The following ENTPD4 variants were observed in gnomAD, a reference collection of about 807,000 sequenced individuals.
The protein encoded by ENTPD4 is Golgi UDPase.
In ENTPD4, 60 loss-of-function variants were observed where a neutral mutation model predicts 79.1. That is an observed-to-expected ratio of 0.76 (90% CI 0.62 to 0.94). The LOEUF (loss-of-function observed/expected upper bound fraction) is 0.94, where lower values mean the gene tolerates loss of function less well. ENTPD4 is among the 40% of genes least tolerant of loss of function. The pLI is 0.00. For synonymous variants in ENTPD4, 276 were observed against 292.0 expected, an observed-to-expected ratio of 0.95 and a Z score of 0.56; for missense variants, 772 against 775.1, an observed-to-expected ratio of 1.00 and a Z score of 0.05.
chr8:23,441,395 G>A (rs1800666327), intron 8 of ENTPD4, 174 bp downstream of exon 8: 1 of 985,124 alleles, frequency 1.0e-6, no homozygotes, highest in Non-Finnish European at 1.2e-6. Flanking sequence ...ACACACACAA[G>A]CGGCTCAGCT....
In ENTPD4 at chr8:23,429,419, A is replaced by T. The variant is rs927998357; in HGVS notation, c.*3507T>A. ...GTCACATCATTCATTATTGAAAGGG[A>T]AACTTAGTATCAAAAGAAACAAAAC... On this transcript the variant is annotated 3_prime_UTR_variant, in exon 13 of 13. Coordinates refer to ENST00000358689, the MANE Select transcript of ENTPD4 (RefSeq NM_004901.5). The T allele has an allele frequency of 7.1e-6, 7 of 984,998 alleles. No individual in the cohort carries two copies. The African/African-American group carries it at 1.0e-4, about 15-fold the overall frequency. 61.0% of individuals were successfully genotyped at this position (984,998 alleles called of 1,614,324 possible).
chr8:23,430,972 G>C lies in ENTPD4; in HGVS notation c.*1954C>G, dbSNP rs1259963704. 1.7e-5 allele frequency: 17 copies of C among 985,336 alleles called. No individual in the cohort carries two copies. Among genetic ancestry groups the C allele is most frequent in the Non-Finnish European group, 2.0e-5 (17 of 829,936 alleles). The allele number at this position is 985,336 out of a possible 1,614,324, so 61.0% of individuals were successfully genotyped here. A position where few individuals can be genotyped will look rare whatever the true frequency, so the allele number is the denominator to read the frequency against. Reference sequence around the variant, plus strand: ...CGCAAATACGATGCAGGTAAATCCAGAGGCAGAGCCTGGGTCCCCAGGCTG... The same window carrying C: ...CGCAAATACGATGCAGGTAAATCCACAGGCAGAGCCTGGGTCCCCAGGCTG... On this transcript the variant is annotated 3_prime_UTR_variant, in exon 13 of 13. Transcript: ENST00000358689.
In ENTPD4 at chr8:23,429,961, A is replaced by G; in HGVS notation, c.*2965T>C. The G allele has an allele frequency of 2.0e-6, 2 of 985,472 alleles. No individual in the cohort carries two copies. Among genetic ancestry groups the G allele is most frequent in the Non-Finnish European group, 2.4e-6 (2 of 829,930 alleles). 61.0% of individuals were successfully genotyped at this position (985,472 alleles called of 1,614,324 possible). A position where few individuals can be genotyped will look rare whatever the true frequency, so the allele number is the denominator to read the frequency against. On this transcript the variant is annotated 3_prime_UTR_variant, in exon 13 of 13. Transcript: ENST00000358689. ...AGCCCATGATATGGCTATGGAACAT[A>G]AGCACTTATTGCTGGCATGTTTCTA... is the stretch of plus-strand genomic sequence containing the variant.
rs1196688739 is a variant in ENTPD4, at chr8:23,429,663, A to C, written c.*3263T>G. On this transcript the variant is annotated 3_prime_UTR_variant, in exon 13 of 13. Transcript: ENST00000358689. ...ATATCTGTTTATCCAGAGTTTGTTA[A>C]TCTAGAGTACACAGATGTGGAAAAC... 1 of 985,302 alleles carries C rather than the reference A, an allele frequency of 1.0e-6. No homozygotes were observed. The highest frequency in any genetic ancestry group is 1.2e-6 in the Non-Finnish European group (1 of 829,914). The allele number at this position is 985,302 out of a possible 1,614,324, so 61.0% of individuals were successfully genotyped here.
At position 23,434,495 on chromosome 8, in the gene ENTPD4, C is replaced by A. The variant is rs1001851992; in HGVS notation, c.1461-17G>T. 1 of 1,613,502 alleles carries A rather than the reference C, an allele frequency of 6.2e-7. No individual in the cohort carries two copies. Among genetic ancestry groups the A allele is most frequent in the Non-Finnish European group, 8.5e-7 (1 of 1,179,584 alleles). ...CACTGATACCTACAAACGGCAAGCA[C>A]AAAGGCAAGTCAGACTGACTCACTC... is the stretch of plus-strand genomic sequence containing the variant. On this transcript the variant is annotated splice_polypyrimidine_tract_variant and intron_variant, in intron 11 of 12. Coordinates refer to ENST00000358689, the MANE Select transcript of ENTPD4 (RefSeq NM_004901.5).
At chr8:23,436,031 GAC>G (rs1215222103) in intron 10 of ENTPD4, among the ~76,000 whole-genome samples, 2 of 152,206 alleles carry the variant, frequency 1.3e-5, no homozygotes, top group East Asian at 3.8e-4. Flanking sequence ...AAAGGATGAA[GAC>G]ACTGCTGAGA....
intron 9 of ENTPD4, 62 bp downstream of exon 9, chr8:23,439,687 T>C (rs1409110809): frequency 1.3e-6 from 2 of 1,520,798 alleles, no homozygotes; most frequent in African/African-American, 2.7e-5. Context: ...TGCCTGGGTC[T>C]GTTTTTTATG....
In ENTPD4 at chr8:23,457,451, C is replaced by A. The variant is rs546731047; in HGVS notation, c.-98+106G>T. ...TGTGGGGGCCTGGGGCAGAGAGGCT[C>A]GTCCGCGGCCCGCTCGCCGCGCCGC... On this transcript the variant is annotated intron_variant, in intron 1 of 12. Coordinates refer to ENST00000358689, the MANE Select transcript of ENTPD4 (RefSeq NM_004901.5). 197 of 109,900 alleles carry A rather than the reference C, an allele frequency of 1.8e-3. 1 individual carries two copies. Among genetic ancestry groups the A allele is most frequent in the African/African-American group, 7.5e-3 (184 of 24,512 alleles). 6.8% of individuals were successfully genotyped at this position (109,900 alleles called of 1,614,324 possible).
At chr8:23,452,429 G>C (rs534195365) in intron 1 of ENTPD4, among the ~76,000 whole-genome samples, 1 of 152,332 alleles carries the variant, frequency 6.6e-6, no homozygotes, top group South Asian at 2.1e-4. Flanking sequence ...GGGTGTAAAA[G>C]AGGTCCCTCA....
intron 9 of ENTPD4, among the ~76,000 whole-genome samples, chr8:23,437,908 T>C (rs1299090248): frequency 3.3e-5 from 5 of 152,140 alleles, no homozygotes; most frequent in Admixed American, 6.5e-5. Flanking sequence ...GATTAGCAAA[T>C]GAATACAGAA....
At position 23,448,820 on chromosome 8, in the gene ENTPD4, G is replaced by A. The variant is rs756428340; in HGVS notation, c.128C>T (p.Ala43Val). ...AACAGAAAAATATAAAAGTGAAACA[G>A]CAGCAGCCAGGACACTAATGACCAT... ...QIMVISVLAA[A>V]VSLLYFSVVI... Residue 43 changes from alanine to valine, a missense_variant, in exon 3 of 13, where the codon GCT becomes GTT. Transcript: ENST00000358689. 6.2e-7 allele frequency: 1 copy of A among 1,614,128 alleles called. No individual in the cohort carries two copies. The highest frequency in any genetic ancestry group is 2.2e-5 in the East Asian group (1 of 44,880).
intron 4 of ENTPD4, among the ~76,000 whole-genome samples, chr8:23,446,112 G>C (rs3808529): frequency 0.16 from 24,768 of 152,162 alleles, 2,194 homozygotes; most frequent in East Asian, 0.31. Flanking sequence ...TGTTATACAC[G>C]GAAGTCCATG....
chr8:23,435,544 T>C, intron 10 of ENTPD4, 67 bp from the exon 11 acceptor site: 2 of 1,114,070 alleles, frequency 1.8e-6, no homozygotes, highest in Non-Finnish European at 2.7e-6. Context: ...TTAAAAATGG[T>C]TTACCAAATT....
chr8:23,434,286 T>G, intron 12 of ENTPD4, 31 bp downstream of exon 12: 1 of 1,606,718 alleles, frequency 6.2e-7, no homozygotes, highest in Non-Finnish European at 8.5e-7. Flanking sequence ...AAGCATCTTT[T>G]TGATTCTCGT....
rs1800418900 is a variant in ENTPD4 at position 23,429,508 on chromosome 8, G to C, written c.*3418C>G. ...TTTGTTGCATTGCACACAACTGACC[G>C]CAGAGAATTCTAAAGCTGATTTTTT... On this transcript the variant is annotated 3_prime_UTR_variant, in exon 13 of 13. Transcript: ENST00000358689. 1 of 985,214 alleles carries C rather than the reference G, an allele frequency of 1.0e-6. No individual in the cohort carries two copies. The highest frequency in any genetic ancestry group is 1.7e-5 in the African/African-American group (1 of 57,222). The allele number at this position is 985,214 out of a possible 1,614,324, so 61.0% of individuals were successfully genotyped here.
chr8:23,434,653 C>A, intron 11 of ENTPD4, 175 bp from the exon 12 acceptor site: 1 of 1,435,012 alleles, frequency 7.0e-7, no homozygotes, highest in Non-Finnish European at 9.1e-7. Flanking sequence ...TGCTTCACAT[C>A]CCTGGTCCCA....
Position 23,443,926 on chromosome 8 carries a change from A to C in ENTPD4, c.591T>G (p.Leu197=). Residue 197 remains leucine (L), a synonymous_variant, in exon 6 of 13, where the codon CTT becomes CTG. Transcript: ENST00000358689. ...ESQQKAILED[L]LTDIPVHFDF... is the part of the protein sequence containing the mutation. Reference sequence around the variant, plus strand: ...CAAAGTGCACGGGGATATCGGTCAGAAGGTCTTCCAGAATAGCTTTCTGCT... The same window carrying C: ...CAAAGTGCACGGGGATATCGGTCAGCAGGTCTTCCAGAATAGCTTTCTGCT... 1 of 1,613,152 alleles carries C rather than the reference A, an allele frequency of 6.2e-7. No homozygotes were observed. The highest frequency in any genetic ancestry group is 8.5e-7 in the Non-Finnish European group (1 of 1,179,186).
intron 2 of ENTPD4, among the ~76,000 whole-genome samples, chr8:23,449,250 A>G (rs1326815308): frequency 6.6e-6 from 1 of 152,200 alleles, no homozygotes. Context: ...ACTGCTTACG[A>G]GAATAACTTC....
In ENTPD4 at chr8:23,433,088, G is replaced by A. The variant is rs376644779; in HGVS notation, c.1689C>T (p.Asn563=). 4.0e-5 allele frequency: 65 copies of A among 1,614,180 alleles called. No homozygotes were observed. The African/African-American group carries it at 6.5e-4, about 16-fold the overall frequency. ...THWRGVSFVY[N]HYLFSGCFLV... Reference sequence around the variant, plus strand: ...GGAAGCAGCCAGAGAACAGGTAGTGGTTGTAGACAAAGGAAACGCCCCGCC... The same window carrying A: ...GGAAGCAGCCAGAGAACAGGTAGTGATTGTAGACAAAGGAAACGCCCCGCC... Residue 563 remains asparagine, a synonymous_variant, in exon 13 of 13, where the codon AAC becomes AAT. Coordinates refer to ENST00000358689, the MANE Select transcript of ENTPD4 (RefSeq NM_004901.5).
Sources: allele counts gnomAD v4.1 joint callset (sites outside exome capture counted in the v4.1 genomes callset), GRCh38; gene constraint gnomAD v4.1.1; transcripts MANE v1.5; gene names NCBI Gene and HGNC (gene_info 2026-07-23, HGNC 2026-07-21).